The following DNAH1 variants were observed in gnomAD, a reference collection of about 807,000 sequenced individuals.
DNAH1 encodes the protein axonemal beta dynein heavy chain 1.
Under a neutral mutation model 484.3 loss-of-function variants are expected in DNAH1, and 327 were observed. That is an observed-to-expected ratio of 0.68 (90% confidence interval 0.62 to 0.74). The LOEUF (loss-of-function observed/expected upper bound fraction) is 0.74, where lower values mean the gene tolerates loss of function less well. Among genes scored for constraint, DNAH1 ranks in the 30% least tolerant of loss-of-function variants. The probability of loss-of-function intolerance (pLI) is 0.00; values close to 1 mark genes in which losing one functional copy is unlikely to be tolerated. For synonymous variants in DNAH1, 2,192 were observed against 2,191.9 expected (o/e 1.00, Z 0.00); for missense variants, 5,052 against 5,546.8 (o/e 0.91, Z 2.83).
At position 52,392,871 on chromosome 3, in the gene DNAH1, C is replaced by T; in HGVS notation, c.10320C>T (p.Asp3440=). 6.2e-7 allele frequency: 1 copy of T among 1,610,520 alleles called. No individual in the cohort carries two copies. Among genetic ancestry groups the T allele is most frequent in the South Asian group, 1.1e-5 (1 of 90,930 alleles). ...RIAEQTEKDI[D]LTRMEYIPVA... ...CAGAGCAGACGGAGAAGGACATCGACCTGACGCGCATGGAGTACATACCCG... is the reference window on the plus strand; with the variant it reads ...CAGAGCAGACGGAGAAGGACATCGATCTGACGCGCATGGAGTACATACCCG... Residue 3440 remains aspartate (D), a synonymous_variant, in exon 65 of 78, where the codon GAC becomes GAT. Transcript: ENST00000420323.
chr3:52,366,835 T>A lies in DNAH1; in HGVS notation c.5713T>A (p.Ser1905Thr). 6.2e-7 allele frequency: 1 copy of A among 1,613,838 alleles called. No homozygotes were observed. Among genetic ancestry groups the A allele is most frequent in the African/African-American group, 1.3e-5 (1 of 75,002 alleles). ...AVNYYVLNPK[S>T]ITMGQLYGEF... ...CAACTACTACGTGCTCAACCCCAAG[T>A]CCATCACGATGGGCCAGCTGTACGG... Residue 1905 changes from serine to threonine, a missense_variant, in exon 36 of 78, where the codon TCC (serine) becomes ACC (threonine). Around this residue, in one of 4 missense-constraint regions of DNAH1, gnomAD observed 2,929 missense variants for 3,409.4 expected, o/e 0.86. Transcript: ENST00000420323.
chr3:52,385,360 A>G lies in DNAH1; in HGVS notation c.8538A>G (p.Val2846=), dbSNP rs538052520. 175 of 1,552,556 alleles carry G rather than the reference A, an allele frequency of 1.1e-4. 1 individual carries two copies. In the South Asian group the frequency reaches 1.9e-3, roughly 17 times the overall value. ...AGCTGCTGCGCACTTCTGAGGATGT[A>G]GCCAAGATGCAGGAGGACCTGGAGA... ...LDKLLRTSED[V]AKMQEDLESM... Residue 2846 remains valine, a synonymous_variant, in exon 54 of 78, where the codon GTA becomes GTG. Coordinates refer to ENST00000420323, the MANE Select transcript of DNAH1 (RefSeq NM_015512.5).
At chr3:52,384,649 C>G (rs1199942199) in intron 52 of DNAH1, 137 bp from the exon 53 acceptor site, 1 of 882,454 alleles carries the variant, frequency 1.1e-6, no homozygotes, top group African/African-American at 1.7e-5. Context: ...TCGTGAGGCT[C>G]ATAGAGTGAA....
chr3:52,362,651 G>GA lies in DNAH1; in HGVS notation c.5094+150_5094+151insA. The GA allele has an allele frequency of 1.3e-6, 1 of 781,454 alleles. No individual in the cohort carries two copies. The highest frequency in any genetic ancestry group is 2.1e-6 in the Non-Finnish European group (1 of 487,752). The allele number at this position is 781,454 out of a possible 1,614,324, so 48.4% of individuals were successfully genotyped here. On this transcript the variant is annotated intron_variant, in intron 31 of 77. Coordinates refer to ENST00000420323, the MANE Select transcript of DNAH1 (RefSeq NM_015512.5). This position sits in a 1 kb window ranked among gnomAD's most constrained non-coding sequence, Gnocchi z 5.1. The stretch of plus-strand genomic sequence containing the variant: ...CCTTAGCCATGGAGGGGAGGCCTCA[G>GA]GGCCTCAGACTTGTCCTCAGGGCAT...
At chr3:52,360,133 G>C (rs1702794462) in intron 27 of DNAH1, 54 bp downstream of exon 27, 2 of 1,609,746 alleles carry the variant, frequency 1.2e-6, no homozygotes, top group African/African-American at 2.7e-5. Flanking sequence ...GAAGGGGCAG[G>C]GGAAAAGAGA....
At chr3:52,370,953 T>C in intron 41 of DNAH1, 128 bp downstream of exon 41, 2 of 844,428 alleles carry the variant, frequency 2.4e-6, no homozygotes, top group South Asian at 1.7e-5. Context: ...CAGCGGTTAT[T>C]TGCATCATCT....
chr3:52,384,969 C>G lies in DNAH1; in HGVS notation c.8506C>G (p.Leu2836Val). The G allele has an allele frequency of 6.2e-7, 1 of 1,612,598 alleles. No homozygotes were observed. The highest frequency in any genetic ancestry group is 8.5e-7 in the Non-Finnish European group (1 of 1,179,282). The change falls in exon 53 of 78, where the codon CTC (leucine) becomes GTC (valine). Residue 2836 changes from leucine (L) to valine (V), a missense_variant. Leu to Val is a conservative substitution (Grantham distance 32). Coordinates refer to ENST00000420323, the MANE Select transcript of DNAH1 (RefSeq NM_015512.5). ...KTAKNRMKSG[L>V]DKLLRTSEDV... The stretch of plus-strand genomic sequence containing the variant: ...TGCCAAGAACCGCATGAAGAGCGGC[C>G]TCGACAAGGTGGGCCCAGGCGAGTC...
Position 52,358,644 on chromosome 3 carries a change from C to A in DNAH1, c.4173C>A (p.Ser1391=), listed in dbSNP as rs541677751. The A allele has an allele frequency of 4.3e-6, 7 of 1,613,302 alleles. No individual in the cohort carries two copies. The highest frequency in any genetic ancestry group is 5.9e-6 in the Non-Finnish European group (7 of 1,179,762). ...AGTTGTGCTTCTCCATCTACCCCTC[C>A]AGCAACGTGGAGGACTGGCTGCGGG... ...EVQLCFSIYP[S]SNVEDWLREV... The change falls in exon 25 of 78, where the codon TCC becomes TCA. Residue 1391 remains serine, a synonymous_variant. Transcript: ENST00000420323. The surrounding 1 kb of genome is among the most constrained non-coding windows in gnomAD (Gnocchi z 4.2).
rs1160595853 is a variant in DNAH1, at chr3:52,381,656, A to G, written c.7625A>G (p.Glu2542Gly). 11 of 1,606,822 alleles carry G rather than the reference A, an allele frequency of 6.8e-6. No individual in the cohort carries two copies. Among genetic ancestry groups the G allele is most frequent in the Non-Finnish European group, 9.3e-6 (11 of 1,176,810 alleles). ...GGTGCACAGATGATGCAGGTGATAG[A>G]GGAGTACATAGAGGACTACAACCAG... ...TSESKMMQVI[E>G]EYIEDYNQIN... Residue 2542 changes from glutamate (E) to glycine (G), a missense_variant, in exon 49 of 78, where the codon GAG (glutamate) becomes GGG (glycine). Physicochemically the swap from Glu to Gly is moderately conservative, Grantham distance 98. Transcript: ENST00000420323. This position sits in a 1 kb window ranked among gnomAD's most constrained non-coding sequence, Gnocchi z 4.1.
chr3:52,385,251 C>T, intron 53 of DNAH1, 86 bp from the exon 54 acceptor site: 3 of 1,365,518 alleles, frequency 2.2e-6, no homozygotes, highest in South Asian at 2.5e-5. Context: ...CACAGCTTCT[C>T]TCTCATGAAT....
chr3:52,370,152 G>T lies in DNAH1; in HGVS notation c.6181G>T (p.Ala2061Ser), dbSNP rs775541195. 1 of 1,613,974 alleles carries T rather than the reference G, an allele frequency of 6.2e-7. No homozygotes were observed. Among genetic ancestry groups the T allele is most frequent in the Non-Finnish European group, 8.5e-7 (1 of 1,179,886 alleles). The change falls in exon 39 of 78, where the codon GCC becomes TCC. Residue 2061 changes from alanine to serine, a missense_variant. Physicochemically the swap from Ala to Ser is moderately conservative, Grantham distance 99. Around this residue, in one of 4 missense-constraint regions of DNAH1, gnomAD observed 2,929 missense variants for 3,409.4 expected, o/e 0.86. Coordinates refer to ENST00000420323, the MANE Select transcript of DNAH1 (RefSeq NM_015512.5). ...TCGGTCCTCAGTGAAGGAGGTGATC[G>T]CCTCAACCAACTGCAACCTGACCAT... ...FVRSSVKEVI[A>S]STNCNLTMSL...
chr3:52,384,170 A>G (rs1000777499), intron 52 of DNAH1, 139 bp downstream of exon 52: 1 of 930,736 alleles, frequency 1.1e-6, no homozygotes, highest in Non-Finnish European at 1.6e-6. Context: ...TTTCCTGTCT[A>G]AGCCTCCATT....
Position 52,388,559 on chromosome 3 carries a change from C to G in DNAH1, c.9313C>G (p.Leu3105Val). ...GGAATGCATTACCAAGAAGGAGGAG[C>G]TGGAGCTGAAGTGTGAGCAGTGTGA... The part of the protein sequence containing the change: ...YRECITKKEE[L>V]ELKCEQCEQR... Residue 3105 changes from leucine (L) to valine (V), a missense_variant, in exon 58 of 78, where the codon CTG becomes GTG. By Grantham distance (32) the Leu-to-Val change is conservative (BLOSUM62 1). Around this residue, in one of 4 missense-constraint regions of DNAH1, gnomAD observed 2,929 missense variants for 3,409.4 expected, o/e 0.86. Coordinates refer to ENST00000420323, the MANE Select transcript of DNAH1 (RefSeq NM_015512.5). 2 of 1,612,972 alleles carry G rather than the reference C, an allele frequency of 1.2e-6. No homozygotes were observed.
chr3:52,388,600 A>C lies in DNAH1; in HGVS notation c.9354A>C (p.Arg3118=). 1.2e-6 allele frequency: 2 copies of C among 1,612,044 alleles called. No individual in the cohort carries two copies. The highest frequency in any genetic ancestry group is 1.7e-6 in the Non-Finnish European group (2 of 1,179,444). Residue 3118 remains arginine (R), a synonymous_variant, in exon 58 of 78, where the codon CGA becomes CGC. Transcript: ENST00000420323. ...AGCAGTGTGAGCAGCGGCTGGGCCGAGCTGGCAAGGTGCGCACCCTCCTCC... is the reference window on the plus strand; with the variant it reads ...AGCAGTGTGAGCAGCGGCTGGGCCGCGCTGGCAAGGTGCGCACCCTCCTCC... ...KCEQCEQRLG[R]AGKLINGLSD...
intron 8 of DNAH1, among the ~76,000 whole-genome samples, chr3:52,344,187 C>T (rs1259251362): frequency 6.6e-6 from 1 of 152,158 alleles, no homozygotes; most frequent in East Asian, 1.9e-4. Context: ...GCTTCCAGGC[C>T]CAGGACTTCC....
chr3:52,385,082 G>T, intron 53 of DNAH1, 105 bp downstream of exon 53: 2 of 1,360,798 alleles, frequency 1.5e-6, no homozygotes, highest in Non-Finnish European at 2.0e-6. Context: ...TCAAACTGCA[G>T]CCCACGACGT....
chr3:52,370,063 G>A (rs1324411829), intron 38 of DNAH1, 44 bp downstream of exon 38: 1 of 1,613,740 alleles, frequency 6.2e-7, no homozygotes, highest in South Asian at 1.1e-5. Flanking sequence ...AGGGCAGCAG[G>A]GCACTGTGGC....
In DNAH1 at chr3:52,394,961, A is replaced by T; in HGVS notation, c.10870A>T (p.Lys3624Ter). ...IWDQYLDQFQ[K>*]LLVLRCLRGD... The stretch of plus-strand genomic sequence containing the variant: ...GGACCAGTACCTAGACCAGTTCCAG[A>T]AGCTGCTAGTCCTCCGCTGCCTGCG... Residue 3624 changes from lysine (K) to a stop codon, truncating the protein, a stop_gained, in exon 68 of 78, where the codon AAG (lysine) becomes TAG (stop). Coordinates refer to ENST00000420323, the MANE Select transcript of DNAH1 (RefSeq NM_015512.5). LOFTEE classifies it high-confidence loss of function. The T allele has an allele frequency of 6.2e-7, 1 of 1,613,516 alleles. No individual in the cohort carries two copies. Among genetic ancestry groups the T allele is most frequent in the Non-Finnish European group, 8.5e-7 (1 of 1,179,722 alleles).
In DNAH1 at chr3:52,368,335, C is replaced by T. The variant is rs1703170169; in HGVS notation, c.5766-406C>T. Among the ~76,000 whole-genome samples, 1 of 152,140 alleles carries T rather than the reference C, an allele frequency of 6.6e-6. No individual in the cohort carries two copies. Among genetic ancestry groups the T allele is most frequent in the South Asian group, 2.1e-4 (1 of 4,830 alleles). On this transcript the variant is annotated intron_variant, in intron 36 of 77. Coordinates refer to ENST00000420323, the MANE Select transcript of DNAH1 (RefSeq NM_015512.5). The surrounding 1 kb of genome is among the most constrained non-coding windows in gnomAD (Gnocchi z 4.4). ...AGCCCTACCAGCCCCTTCCCTGGTG[C>T]GTGCTGCCTCTGAGGTCTGAGTCCC...
Sources: gnomAD v4.1 joint callset for allele counts (sites outside exome capture counted in the v4.1 genomes callset) on GRCh38, gnomAD v4.1.1 for gene constraint, gnomAD v4.1.1 regional missense constraint, Gnocchi (gnomAD v3.1) non-coding constraint, MANE v1.5 for transcripts, NCBI Gene and HGNC (gene_info 2026-07-23, HGNC 2026-07-21) for gene names.